The following TRAK1 variants were observed in gnomAD, a reference collection of about 807,000 sequenced individuals.
TRAK1 encodes trafficking kinesin protein 1, also known as trafficking kinesin-binding protein 1.
TRAK1 carries 33 observed loss-of-function variants against 92.1 expected under a neutral mutation model. That is an observed-to-expected ratio of 0.36 (90% CI 0.27 to 0.48). The LOEUF is 0.48. Among genes scored for constraint, TRAK1 ranks in the 20% least tolerant of loss-of-function variants. The pLI is 0.99. For synonymous variants in TRAK1, 521 were observed against 517.3 expected (o/e 1.01, Z -0.10); for missense variants, 1,123 against 1,257.9 (o/e 0.89, Z 1.62).
chr3:42,203,879 T>A, intron 13 of TRAK1: 2 of 927,654 alleles, frequency 2.2e-6, no homozygotes, highest in Non-Finnish European at 2.6e-6. Flanking sequence ...AATCCAATTA[T>A]GTTTACCTCA....
At chr3:42,112,816 G>T (rs1172989722) in intron 1 of TRAK1, among the ~76,000 whole-genome samples, 4 of 151,906 alleles carry the variant, frequency 2.6e-5, no homozygotes, top group African/African-American at 9.7e-5. Context: ...TATCTCCTAG[G>T]CTGGAGTGTA....
At chr3:42,042,516 C>G (rs1348828708) in intron 1 of TRAK1, among the ~76,000 whole-genome samples, 3 of 152,072 alleles carry the variant, frequency 2.0e-5, no homozygotes, top group African/African-American at 7.2e-5. Flanking sequence ...AAATTACAGG[C>G]ATGCACCACC....
At chr3:42,061,293 A>G (rs1411828293) in intron 1 of TRAK1, among the ~76,000 whole-genome samples, 4 of 94,058 alleles carry the variant, frequency 4.3e-5, no homozygotes, top group South Asian at 4.8e-4. Flanking sequence ...CCACACACGC[A>G]CCCCCCCATG....
intron 2 of TRAK1, among the ~76,000 whole-genome samples, chr3:42,166,461 G>A (rs536743985): frequency 5.7e-4 from 87 of 152,310 alleles, no homozygotes; most frequent in African/African-American, 1.9e-3. Context: ...ACAGCATCTA[G>A]CAAACCTGCT....
chr3:42,194,769 G>T (rs370769044), intron 9 of TRAK1, 35 bp from the exon 10 acceptor site: 1 of 1,609,522 alleles, frequency 6.2e-7, no homozygotes. Context: ...GGGTGCTCAG[G>T]AGATCCTGAC....
intron 1 of TRAK1, among the ~76,000 whole-genome samples, chr3:42,015,388 G>A (rs940355462): frequency 6.6e-6 from 1 of 151,956 alleles, no homozygotes; most frequent in Non-Finnish European, 1.5e-5. Flanking sequence ...GATGCCCCAG[G>A]GACCAGTTTC....
intron 14 of TRAK1, among the ~76,000 whole-genome samples, chr3:42,215,077 G>A (rs3774387): frequency 0.2 from 30,711 of 152,084 alleles, 3,834 homozygotes; most frequent in East Asian, 0.32. Context: ...ATGACTCGTA[G>A]GGCAAACTAT....
chr3:42,150,482 A>G (rs76139666), intron 2 of TRAK1, among the ~76,000 whole-genome samples: 6,062 of 152,138 alleles, frequency 0.04, 420 homozygotes, highest in African/African-American at 0.14. Context: ...GGCCCAATTA[A>G]TATATACACT....
Position 42,223,837 on chromosome 3 carries a change from C to T in TRAK1, c.*100C>T. On this transcript the variant is annotated 3_prime_UTR_variant, in exon 16 of 16. Transcript: ENST00000327628. This position sits in a 1 kb window ranked among gnomAD's most constrained non-coding sequence, Gnocchi z 6.1. ...CCACAGTGCACTCCCTCCCTCTGCC[C>T]TTCTCTGTCCACCCCCTCCTAAGCT... is the stretch of plus-strand genomic sequence containing the variant. The T allele has an allele frequency of 7.6e-7, 1 of 1,321,166 alleles. No individual in the cohort carries two copies. The highest frequency in any genetic ancestry group is 2.0e-4 in the Middle Eastern group (1 of 4,922). 81.8% of individuals were successfully genotyped at this position (1,321,166 alleles called of 1,614,324 possible).
chr3:42,117,650 C>T (rs1456778066), intron 1 of TRAK1, among the ~76,000 whole-genome samples: 1 of 152,130 alleles, frequency 6.6e-6, no homozygotes, highest in Non-Finnish European at 1.5e-5. Flanking sequence ...GGCTTAGAGC[C>T]CTCAAGCTCC....
intron 14 of TRAK1, among the ~76,000 whole-genome samples, chr3:42,215,132 C>T (rs535231104): frequency 6.6e-6 from 1 of 151,974 alleles, no homozygotes; most frequent in African/African-American, 2.4e-5. Context: ...ACTTTTTTTC[C>T]CCCTGAAAAT....
chr3:42,149,380 G>A, intron 2 of TRAK1: 1 of 1,442,146 alleles, frequency 6.9e-7, no homozygotes, highest in Non-Finnish European at 9.1e-7. Context: ...TACTGTTTTG[G>A]CTCCAGACTG....
intron 1 of TRAK1, among the ~76,000 whole-genome samples, chr3:42,102,061 C>T (rs1706841449): frequency 6.6e-6 from 1 of 152,254 alleles, no homozygotes; most frequent in Non-Finnish European, 1.5e-5. Flanking sequence ...TCTCAGCTCA[C>T]TGCAACTTCC....
At chr3:42,220,829 T>C (rs1171176152) in intron 15 of TRAK1, among the ~76,000 whole-genome samples, 3 of 152,190 alleles carry the variant, frequency 2.0e-5, no homozygotes, top group African/African-American at 4.8e-5. Context: ...ATCATAAATA[T>C]TAGCTTTGTC....
intron 4 of TRAK1, among the ~76,000 whole-genome samples, chr3:42,186,495 G>A (rs560461352): frequency 1.3e-5 from 2 of 152,356 alleles, no homozygotes; most frequent in Admixed American, 1.3e-4. Flanking sequence ...GGAGAATGCT[G>A]TTGTATTTTA....
intron 1 of TRAK1, among the ~76,000 whole-genome samples, chr3:42,078,752 CAAAA>C (rs748321736): frequency 4.0e-5 from 2 of 49,648 alleles, no homozygotes; most frequent in Admixed American, 2.4e-4. Flanking sequence ...GATTCCATCT[CAAAA>C]AAAAAAAAAA....
intron 2 of TRAK1, among the ~76,000 whole-genome samples, chr3:42,129,922 CA>C (rs1397436327): frequency 6.6e-6 from 1 of 152,054 alleles, no homozygotes; most frequent in Admixed American, 6.6e-5. Flanking sequence ...ACAAAAAAAG[CA>C]AAAACCCCAT....
At chr3:42,131,671 T>C (rs1697211251) in intron 2 of TRAK1, among the ~76,000 whole-genome samples, 1 of 151,806 alleles carries the variant, frequency 6.6e-6, no homozygotes, top group Non-Finnish European at 1.5e-5. Flanking sequence ...TGAGCCGAGA[T>C]TGTGCCACTG....
At chr3:42,030,689 AATAT>A (rs57651073) in intron 1 of TRAK1, among the ~76,000 whole-genome samples, 53 of 97,624 alleles carry the variant, frequency 5.4e-4, no homozygotes, top group African/African-American at 2.8e-3. Flanking sequence ...AAAAAAAAAG[AATAT>A]ATATATATAT....
Sources: allele counts gnomAD v4.1 joint callset (sites outside exome capture counted in the v4.1 genomes callset), GRCh38; gene constraint gnomAD v4.1.1; non-coding constraint Gnocchi (gnomAD v3.1); transcripts MANE v1.5; gene names NCBI Gene and HGNC (gene_info 2026-07-23, HGNC 2026-07-21).